Variants in CNTN6 observed in about 807,000 individuals in gnomAD.
CNTN6 encodes contactin 6.
A neutral mutation model predicts 122.8 loss-of-function variants in CNTN6; 137 were observed. The observed-to-expected ratio is 1.12, with a 90% CI of 0.97 to 1.29. The LOEUF (loss-of-function observed/expected upper bound fraction) is 1.29. Ranked by LOEUF, CNTN6 falls within the 50% of genes most tolerant of loss-of-function variation. CNTN6 has a pLI of 0.00. For synonymous variants in CNTN6, 570 were observed against 426.0 expected (o/e 1.34, Z -4.16); for missense variants, 1,634 against 1,223.4 (o/e 1.34, Z -5.01).
intron 7 of CNTN6, among the ~76,000 whole-genome samples, chr3:1,300,605 G>C (rs901282395): frequency 3.4e-5 from 4 of 117,410 alleles, no homozygotes; most frequent in African/African-American, 6.0e-5. Flanking sequence ...AAGAAAGAAA[G>C]AGAGAAAGAA....
Position 1,402,342 on chromosome 3 carries a change from A to G in CNTN6, c.2842A>G (p.Ser948Gly). The G allele has an allele frequency of 6.2e-7, 1 of 1,611,002 alleles. No individual in the cohort carries two copies. Among genetic ancestry groups the G allele is most frequent in the Non-Finnish European group, 8.5e-7 (1 of 1,178,700 alleles). ...YKILYRQNRQ[S>G]KTHILETNNT... is the part of the protein sequence containing the mutation. ...GATTCTGTACCGGCAAAACAGACAGAGTAAAACTCATATTTTGGAAACAAA... is the reference window on the plus strand; with the variant it reads ...GATTCTGTACCGGCAAAACAGACAGGGTAAAACTCATATTTTGGAAACAAA... Residue 948 changes from serine to glycine, a missense_variant, in exon 22 of 23, where the codon AGT (serine) becomes GGT (glycine). Transcript: ENST00000446702.
intron 2 of CNTN6, among the ~76,000 whole-genome samples, chr3:1,219,121 T>G (rs2094169892): frequency 6.6e-6 from 1 of 152,174 alleles, no homozygotes; most frequent in African/African-American, 2.4e-5. Context: ...AATAAAAAGT[T>G]TAAATGTCCA....
At chr3:1,208,493 T>G (rs1452214830) in intron 2 of CNTN6, among the ~76,000 whole-genome samples, 1 of 152,136 alleles carries the variant, frequency 6.6e-6, no homozygotes, top group Non-Finnish European at 1.5e-5. Flanking sequence ...TAGGTAGAAT[T>G]AATTGCTTCC....
chr3:1,245,326 A>ATATAT (rs2094567649), intron 4 of CNTN6, among the ~76,000 whole-genome samples: 1 of 48,848 alleles, frequency 2.0e-5, no homozygotes, highest in African/African-American at 9.5e-5. Context: ...ATATATATAT[A>ATATAT]TATATATATA....
chr3:1,256,662 A>G (rs1245502433), intron 4 of CNTN6, among the ~76,000 whole-genome samples: 1 of 152,154 alleles, frequency 6.6e-6, no homozygotes, highest in Admixed American at 6.6e-5. Context: ...ATCAAGAAGA[A>G]AAGAAGACAA....
chr3:1,389,628 TAA>T (rs755129484), intron 20 of CNTN6, among the ~76,000 whole-genome samples: 3 of 150,064 alleles, frequency 2.0e-5, no homozygotes, highest in Non-Finnish European at 4.5e-5. Context: ...GCAAATTGGA[TAA>T]ACAGTCAAGA....
chr3:1,100,563 T>C (rs2090832986), intron 1 of CNTN6, among the ~76,000 whole-genome samples: 3 of 152,126 alleles, frequency 2.0e-5, no homozygotes, highest in Admixed American at 6.5e-5. Flanking sequence ...AATTCTCAGC[T>C]ATTATATATT....
chr3:1,180,142 G>A (rs1311766854), intron 2 of CNTN6, among the ~76,000 whole-genome samples: 2 of 151,930 alleles, frequency 1.3e-5, no homozygotes, highest in African/African-American at 4.8e-5. Context: ...GGAGGTCTCT[G>A]AAACTTAATT....
chr3:1,354,943 C>T (rs17785960), intron 12 of CNTN6, among the ~76,000 whole-genome samples: 4,734 of 151,554 alleles, frequency 0.031, 104 homozygotes, highest in South Asian at 0.056. Flanking sequence ...GAACCTACAT[C>T]GAAATCCAAA....
At chr3:1,115,841 C>T (rs1487830672) in intron 1 of CNTN6, among the ~76,000 whole-genome samples, 2 of 151,708 alleles carry the variant, frequency 1.3e-5, no homozygotes. Flanking sequence ...GCCAGACTCA[C>T]AACAAACAAA....
chr3:1,379,201 T>C (rs561994473), intron 17 of CNTN6, among the ~76,000 whole-genome samples: 2 of 152,152 alleles, frequency 1.3e-5, no homozygotes, highest in Non-Finnish European at 2.9e-5. Context: ...ATACTGTCTT[T>C]CCACGATTTA....
At position 1,278,469 on chromosome 3, in the gene CNTN6, G is replaced by A; in HGVS notation, c.415G>A (p.Gly139Ser). The A allele has an allele frequency of 1.2e-6, 2 of 1,612,590 alleles. No homozygotes were observed. Among genetic ancestry groups the A allele is most frequent in the Non-Finnish European group, 1.7e-6 (2 of 1,178,946 alleles). ...CACAGTATCTGTCCGAGAAGGTCAAGGTGTGGTGCTTCTCTGTGGCCCACC... is the reference window on the plus strand; with the variant it reads ...CACAGTATCTGTCCGAGAAGGTCAAAGTGTGGTGCTTCTCTGTGGCCCACC... ...RSTVSVREGQ[G>S]VVLLCGPPPH... Residue 139 changes from glycine to serine, a missense_variant, in exon 5 of 23, where the codon GGT becomes AGT. Transcript: ENST00000446702.
At chr3:1,249,264 T>C (rs1224562349) in intron 4 of CNTN6, among the ~76,000 whole-genome samples, 2 of 152,210 alleles carry the variant, frequency 1.3e-5, no homozygotes, top group Non-Finnish European at 2.9e-5. Flanking sequence ...ACTAAGATGG[T>C]CATTCAACTA....
rs200783930 is a variant in CNTN6, at chr3:1,383,064, C to T, written c.2289C>T (p.Tyr763=). The part of the protein sequence containing the change: ...VSSVESSRFV[Y]RNESIIPLSP... ...CTGTGGAATCATCAAGGTTTGTCTA[C>T]AGAAATGAAAGCATCATCCCACTGT... is the stretch of plus-strand genomic sequence containing the variant. Residue 763 remains tyrosine, a synonymous_variant, in exon 18 of 23, where the codon TAC becomes TAT. Transcript: ENST00000446702. 106 of 1,613,854 alleles carry T rather than the reference C, an allele frequency of 6.6e-5. 3 individuals are homozygous for T. In the South Asian group the frequency reaches 1.1e-3, roughly 17 times the overall value.
intron 11 of CNTN6, among the ~76,000 whole-genome samples, chr3:1,349,607 T>G (rs201645623): frequency 6.6e-6 from 1 of 151,942 alleles, no homozygotes; most frequent in East Asian, 1.9e-4. Context: ...GCATTTTGCC[T>G]TATCTGAAAA....
intron 2 of CNTN6, among the ~76,000 whole-genome samples, chr3:1,192,665 T>A (rs1051975567): frequency 6.6e-6 from 1 of 152,052 alleles, no homozygotes; most frequent in Non-Finnish European, 1.5e-5. Context: ...AGGCCTCACA[T>A]GTGCACCCCA....
chr3:1,121,885 A>G, intron 1 of CNTN6, among the ~76,000 whole-genome samples: 1 of 151,938 alleles, frequency 6.6e-6, no homozygotes, highest in Admixed American at 6.6e-5. Context: ...TATAATTTAT[A>G]TTTAGAATAT....
At chr3:1,258,820 T>C (rs1030799768) in intron 4 of CNTN6, among the ~76,000 whole-genome samples, 3 of 152,146 alleles carry the variant, frequency 2.0e-5, no homozygotes, top group Non-Finnish European at 4.4e-5. Context: ...AGATGCACTT[T>C]GTAGCTGTGT....
chr3:1,384,615 T>TTAAC (rs1376831067), intron 19 of CNTN6, among the ~76,000 whole-genome samples: 1 of 151,058 alleles, frequency 6.6e-6, no homozygotes, highest in Non-Finnish European at 1.5e-5. Flanking sequence ...CATAATTTAT[T>TTAAC]TAACTTTGGA....
Sources: allele counts gnomAD v4.1 joint callset (sites outside exome capture counted in the v4.1 genomes callset), GRCh38; gene constraint gnomAD v4.1.1; transcripts MANE v1.5; gene names NCBI Gene and HGNC (gene_info 2026-07-23, HGNC 2026-07-21).